The following CAD variants were observed in gnomAD, a reference collection of about 807,000 sequenced individuals.
The protein encoded by CAD is carbamoyl-phosphate synthetase 2, aspartate transcarbamylase, and dihydroorotase, also known as multifunctional protein CAD.
Under a neutral mutation model 237.2 loss-of-function variants are expected in CAD, and 81 were observed. That is an observed-to-expected ratio of 0.34 (90% confidence interval 0.29 to 0.41). CAD has a LOEUF of 0.41. CAD is among the 10% of genes least tolerant of loss of function. The pLI, the probability that CAD is intolerant of heterozygous loss-of-function variation, is 1.00. For missense variants in CAD, 2,181 were observed against 2,951.7 expected (o/e 0.74, Z 6.05); for synonymous variants, 1,196 against 1,162.8 (o/e 1.03, Z -0.58).
chr2:27,235,490 A>G lies in CAD; in HGVS notation c.3970-46A>G, dbSNP rs960770649. 6.2e-7 allele frequency: 1 copy of G among 1,612,692 alleles called. No homozygotes were observed. ...TCCCTGGGCCAGGGCTGACCTTGAA[A>G]TGGAAGACAGGAAGAAAACAATTTC... On this transcript the variant is annotated intron_variant, in intron 24 of 43. Transcript: ENST00000264705. The surrounding 1 kb of genome is among the most constrained non-coding windows in gnomAD (Gnocchi z 5.2).
In CAD at chr2:27,242,443, G is replaced by A. The variant is rs2148099516; in HGVS notation, c.6222+16G>A. ...TGGCATGACGGTGAGGGTGGTGGCAGGGTTTGGATCCCTGCCAGGGGACGA... is the reference window on the plus strand; with the variant it reads ...TGGCATGACGGTGAGGGTGGTGGCAAGGTTTGGATCCCTGCCAGGGGACGA... On this transcript the variant is annotated intron_variant, in intron 40 of 43. Transcript: ENST00000264705. This position sits in a 1 kb window ranked among gnomAD's most constrained non-coding sequence, Gnocchi z 6.4. 2 of 1,611,468 alleles carry A rather than the reference G, an allele frequency of 1.2e-6. No individual in the cohort carries two copies. Among genetic ancestry groups the A allele is most frequent in the Non-Finnish European group, 8.5e-7 (1 of 1,178,344 alleles).
In CAD at chr2:27,240,726, C is replaced by A. The variant is rs547041298; in HGVS notation, c.5594-185C>A. On this transcript the variant is annotated intron_variant, in intron 35 of 43. Transcript: ENST00000264705. This position sits in a 1 kb window ranked among gnomAD's most constrained non-coding sequence, Gnocchi z 4.6. ...GCACCACTGCTCCCATACAACACAG[C>A]CCCATGGGAAGCCACCTGTCTGTCC... 2.4e-6 allele frequency: 3 copies of A among 1,274,974 alleles called. No individual in the cohort carries two copies. Among genetic ancestry groups the A allele is most frequent in the East Asian group, 2.5e-5 (1 of 39,410 alleles). The allele number at this position is 1,274,974 out of a possible 1,614,324, so 79.0% of individuals were successfully genotyped here. A position where few individuals can be genotyped will look rare whatever the true frequency, so the allele number is the denominator to read the frequency against.
At chr2:27,228,069 A>G (rs1240903016) in intron 15 of CAD, among the ~76,000 whole-genome samples, 1 of 152,264 alleles carries the variant, frequency 6.6e-6, no homozygotes. Context: ...TACTGTTAAC[A>G]TCGTAGTGTT....
At chr2:27,230,919 A>G (rs1264668485) in intron 15 of CAD, among the ~76,000 whole-genome samples, 4 of 152,268 alleles carry the variant, frequency 2.6e-5, no homozygotes, top group Middle Eastern at 3.2e-3. Context: ...TATTGATTCC[A>G]TATTCATCAA....
Position 27,235,392 on chromosome 2 carries a change from A to G in CAD, c.3934A>G (p.Lys1312Glu). 1 of 1,613,388 alleles carries G rather than the reference A, an allele frequency of 6.2e-7. No homozygotes were observed. Among genetic ancestry groups the G allele is most frequent in the Non-Finnish European group, 8.5e-7 (1 of 1,179,642 alleles). ...GCTAAGCACTGGCTTTAAGATCCCC[A>G]AGAAGAATATCCTGCTGACCATTGG... ...AMLSTGFKIP[K>E]KNILLTIGSY... Residue 1312 changes from lysine to glutamate, a missense_variant, in exon 24 of 44, where the codon AAG becomes GAG. Coordinates refer to ENST00000264705, the MANE Select transcript of CAD (RefSeq NM_004341.5). This position sits in a 1 kb window ranked among gnomAD's most constrained non-coding sequence, Gnocchi z 5.2.
Position 27,243,312 on chromosome 2 carries a change from A to G in CAD, c.6575+20A>G. The G allele has an allele frequency of 6.2e-7, 1 of 1,613,204 alleles. No individual in the cohort carries two copies. Among genetic ancestry groups the G allele is most frequent in the Non-Finnish European group, 8.5e-7 (1 of 1,179,352 alleles). On this transcript the variant is annotated intron_variant, in intron 43 of 43. Transcript: ENST00000264705. The stretch of plus-strand genomic sequence containing the variant: ...GATAAGGTGGTGCAGCATCAGAGTC[A>G]GAGACTGCCTCGGGGCTGGTGGACG...
At chr2:27,225,602 A>G (rs1054852389) in intron 11 of CAD, 103 bp from the exon 12 acceptor site, 4 of 920,042 alleles carry the variant, frequency 4.3e-6, no homozygotes, top group South Asian at 1.4e-5. Context: ...GTGAGCCACT[A>G]TGCCCAGCCA....
At position 27,239,192 on chromosome 2, in the gene CAD, G is replaced by A. The variant is rs1445395533; in HGVS notation, c.5213G>A (p.Arg1738His). Residue 1738 changes from arginine to histidine, a missense_variant, in exon 32 of 44, where the codon CGC becomes CAC. Coordinates refer to ENST00000264705, the MANE Select transcript of CAD (RefSeq NM_004341.5). The surrounding 1 kb of genome is among the most constrained non-coding windows in gnomAD (Gnocchi z 4.0). Reference sequence around the variant, plus strand: ...CAGCGATTGCACCACAATCCTCGGCGCATCTTTCACCTGCCCCCGCAGGAG... The same window carrying A: ...CAGCGATTGCACCACAATCCTCGGCACATCTTTCACCTGCCCCCGCAGGAG... ...LLQRLHHNPR[R>H]IFHLPPQEDT... 1.2e-5 allele frequency: 20 copies of A among 1,609,922 alleles called. No individual in the cohort carries two copies. The highest frequency in any genetic ancestry group is 2.7e-5 in the African/African-American group (2 of 74,858).
Position 27,232,761 on chromosome 2 carries a change from T to C in CAD, c.2892+67T>C. ...TTCATCTCTAGCAATTGCTTGGCAC[T>C]AATCCTGGCATTTCCTATTAATTGC... On this transcript the variant is annotated intron_variant, in intron 18 of 43. Coordinates refer to ENST00000264705, the MANE Select transcript of CAD (RefSeq NM_004341.5). The surrounding 1 kb of genome is among the most constrained non-coding windows in gnomAD (Gnocchi z 4.1). 1 of 1,588,004 alleles carries C rather than the reference T, an allele frequency of 6.3e-7. No individual in the cohort carries two copies. Among genetic ancestry groups the C allele is most frequent in the Non-Finnish European group, 8.6e-7 (1 of 1,158,844 alleles).
At chr2:27,223,769 C>A (rs1675295075) in intron 7 of CAD, 21 bp downstream of exon 7, 3 of 1,611,936 alleles carry the variant, frequency 1.9e-6, no homozygotes, top group Middle Eastern at 1.7e-4. Context: ...TTGACTGGGT[C>A]TGTGAAAATT....
At position 27,232,826 on chromosome 2, in the gene CAD, CT is replaced by C; in HGVS notation, c.2892+136del. On this transcript the variant is annotated intron_variant, in intron 18 of 43. Coordinates refer to ENST00000264705, the MANE Select transcript of CAD (RefSeq NM_004341.5). This position sits in a 1 kb window ranked among gnomAD's most constrained non-coding sequence, Gnocchi z 4.1. ...GTCATAGAGCTTTGGGGTGGGGGTCCTTTTAGGCCATCTCTCATGCCCCACA... is the reference window on the plus strand; with the variant it reads ...GTCATAGAGCTTTGGGGTGGGGGTCCTTTAGGCCATCTCTCATGCCCCACA... 3.5e-6 allele frequency: 4 copies of C among 1,127,578 alleles called. No homozygotes were observed. Among genetic ancestry groups the C allele is most frequent in the Non-Finnish European group, 3.9e-6 (3 of 769,936 alleles). 69.8% of individuals were successfully genotyped at this position (1,127,578 alleles called of 1,614,324 possible).
Position 27,243,659 on chromosome 2 carries a change from T to A in CAD, c.*141T>A. On this transcript the variant is annotated 3_prime_UTR_variant, in exon 44 of 44. Coordinates refer to ENST00000264705, the MANE Select transcript of CAD (RefSeq NM_004341.5). ...GCTGACCACACTTCAGGCTCTGGAC[T>A]GGAGCTCTCTGGCATGGGGGTGGGG... is the stretch of plus-strand genomic sequence containing the variant. The A allele has an allele frequency of 1.5e-6, 1 of 677,606 alleles. No homozygotes were observed. Among genetic ancestry groups the A allele is most frequent in the Non-Finnish European group, 2.5e-6 (1 of 396,752 alleles). The allele number at this position is 677,606 out of a possible 1,614,324, so 42.0% of individuals were successfully genotyped here. A position where few individuals can be genotyped will look rare whatever the true frequency, so the allele number is the denominator to read the frequency against.
At chr2:27,226,783 T>A (rs903262419) in intron 14 of CAD, 49 bp from the exon 15 acceptor site, 3 of 1,610,448 alleles carry the variant, frequency 1.9e-6, no homozygotes, top group Non-Finnish European at 2.5e-6. Flanking sequence ...AAGCTCACCC[T>A]TTATGCTTCC....
chr2:27,238,479 G>A lies in CAD; in HGVS notation c.4909G>A (p.Glu1637Lys), dbSNP rs779921492. 5.0e-6 allele frequency: 8 copies of A among 1,607,654 alleles called. No individual in the cohort carries two copies. Among genetic ancestry groups the A allele is most frequent in the African/African-American group, 4.0e-5 (3 of 74,670 alleles). ...GGCACGGGGCTTGCCAGTGACCTGC[G>A]AGGTGGCTCCCCACCACCTGTTCCT... ...AKARGLPVTC[E>K]VAPHHLFLSH... Residue 1637 changes from glutamate (E) to lysine (K), a missense_variant, in exon 31 of 44, where the codon GAG (glutamate) becomes AAG (lysine). Coordinates refer to ENST00000264705, the MANE Select transcript of CAD (RefSeq NM_004341.5).
Position 27,222,348 on chromosome 2 carries a change from G to T in CAD, c.495+12G>T, listed in dbSNP as rs373991313. ...AGGTCTCCATTAAGGTACAGAGGTA[G>T]AGTGGGAGAGTGTTGCAAGCTCTAG... is the stretch of plus-strand genomic sequence containing the variant. On this transcript the variant is annotated intron_variant, in intron 4 of 43. Transcript: ENST00000264705. 75 of 1,603,048 alleles carry T rather than the reference G, an allele frequency of 4.7e-5. No homozygotes were observed. The highest frequency in any genetic ancestry group is 6.4e-5 in the Non-Finnish European group (75 of 1,171,126).
chr2:27,219,545 A>G (rs141809431), intron 2 of CAD, among the ~76,000 whole-genome samples: 372 of 152,048 alleles, frequency 2.4e-3, no homozygotes, highest in Non-Finnish European at 4.7e-3. Flanking sequence ...GGGTATTGTC[A>G]CATTGCCCAG....
rs1352024495 is a variant in CAD, at chr2:27,238,564, G to A, written c.4994G>A (p.Gly1665Asp). Reference sequence around the variant, plus strand: ...AAGGGGGAGGTCCGGCCTGAGCTTGGCTCCCGCCAGGATGTGGAAGCCCTG... The same window carrying A: ...AAGGGGGAGGTCCGGCCTGAGCTTGACTCCCGCCAGGATGTGGAAGCCCTG... ...PGKGEVRPEL[G>D]SRQDVEALWE... is the part of the protein sequence containing the mutation. Residue 1665 changes from glycine (G) to aspartate (D), a missense_variant, in exon 31 of 44, where the codon GGC becomes GAC. Transcript: ENST00000264705. 1 of 1,614,110 alleles carries A rather than the reference G, an allele frequency of 6.2e-7. No individual in the cohort carries two copies.
intron 15 of CAD, among the ~76,000 whole-genome samples, chr2:27,231,209 T>C (rs1055413590): frequency 8.5e-5 from 13 of 152,184 alleles, no homozygotes. Flanking sequence ...GGTTTCACCA[T>C]GTTAGCCAGG....
At chr2:27,225,336 C>A (rs561638519) in intron 11 of CAD, 93 bp downstream of exon 11, 33 of 685,232 alleles carry the variant, frequency 4.8e-5, no homozygotes, top group East Asian at 1.2e-4. Context: ...GACGGAGTTT[C>A]GCTCTTGTTG....
Sources: gnomAD v4.1 joint callset for allele counts (sites outside exome capture counted in the v4.1 genomes callset) on GRCh38, gnomAD v4.1.1 for gene constraint, Gnocchi (gnomAD v3.1) non-coding constraint, MANE v1.5 for transcripts, NCBI Gene and HGNC (gene_info 2026-07-23, HGNC 2026-07-21) for gene names.